PLEKHA7: variants seen among roughly 807,000 people sequenced by gnomAD.
PLEKHA7 encodes the protein pleckstrin homology domain-containing family A member 7.
Under a neutral mutation model 170.0 loss-of-function variants are expected in PLEKHA7, and 104 were observed. The observed-to-expected ratio is 0.61, with a 90% CI of 0.52 to 0.72. PLEKHA7 has a LOEUF of 0.72. Among genes scored for constraint, PLEKHA7 ranks in the 30% least tolerant of loss-of-function variants. PLEKHA7 has a pLI of 0.00. For missense variants in PLEKHA7, 1,615 were observed against 1,671.7 expected, an observed-to-expected ratio of 0.97 and a Z score of 0.59; for synonymous variants, 648 against 660.8, an observed-to-expected ratio of 0.98 and a Z score of 0.30.
intron 3 of PLEKHA7, among the ~76,000 whole-genome samples, chr11:16,928,094 GCATGT>G (rs983694684): frequency 7.9e-5 from 12 of 152,114 alleles, no homozygotes; most frequent in African/African-American, 2.9e-4. Context: ...TGCCACTATG[GCATGT>G]CATCCTCACA....
At chr11:16,983,474 G>A (rs866794445) in intron 3 of PLEKHA7, among the ~76,000 whole-genome samples, 1 of 152,156 alleles carries the variant, frequency 6.6e-6, no homozygotes, top group Middle Eastern at 3.2e-3. Flanking sequence ...CTGGGAGGAG[G>A]AGGGCAGCTC....
At chr11:16,863,562 C>T (rs1380116840) in intron 4 of PLEKHA7, among the ~76,000 whole-genome samples, 1 of 152,186 alleles carries the variant, frequency 6.6e-6, no homozygotes, top group African/African-American at 2.4e-5. Flanking sequence ...ACATCAAATG[C>T]TTGGCAGAGC....
chr11:16,820,268 G>A (rs555457619), intron 10 of PLEKHA7, among the ~76,000 whole-genome samples: 2 of 152,202 alleles, frequency 1.3e-5, no homozygotes, highest in South Asian at 4.2e-4. Context: ...TATGACCTCA[G>A]GCAAGTATCA....
intron 9 of PLEKHA7, among the ~76,000 whole-genome samples, chr11:16,840,109 A>C (rs1417993301): frequency 6.6e-6 from 1 of 152,196 alleles, no homozygotes; most frequent in African/African-American, 2.4e-5. Context: ...GCCAAAATTG[A>C]CGTAGTTACT....
Position 16,778,663 on chromosome 11 carries a change from C to G in PLEKHA7, c.*335G>C, listed in dbSNP as rs1025118807. ...TCACCCAGAAGTACCTGAATCTGTA[C>G]GTGCAGCTGCAAAGTCCTGCATCCT... On this transcript the variant is annotated 3_prime_UTR_variant, in exon 27 of 27. Coordinates refer to ENST00000531066, the MANE Select transcript of PLEKHA7 (RefSeq NM_001329630.2). 8.1e-6 allele frequency: 3 copies of G among 368,912 alleles called. No homozygotes were observed. The highest frequency in any genetic ancestry group is 5.4e-5 in the East Asian group (1 of 18,664). The allele number at this position is 368,912 out of a possible 1,614,324, so 22.9% of individuals were successfully genotyped here. A position where few individuals can be genotyped will look rare whatever the true frequency, so the allele number is the denominator to read the frequency against.
At chr11:16,795,607 T>C (rs1259166167) in intron 17 of PLEKHA7, among the ~76,000 whole-genome samples, 5 of 151,804 alleles carry the variant, frequency 3.3e-5, no homozygotes, top group Non-Finnish European at 7.4e-5. Flanking sequence ...CTGGCCAACA[T>C]GTGAAACCCC....
rs58540437 is a variant in PLEKHA7, at chr11:16,962,283, G to A, written c.221+51706C>T. ...CTCACTCTGAATGGGCATTATCACA[G>A]TGTCCACCTGATGGGGTGGTTGTGA... On this transcript the variant is annotated intron_variant, in intron 3 of 26. Transcript: ENST00000531066. Among the ~76,000 whole-genome samples the A allele has an allele frequency of 5.3e-5, 8 of 152,276 alleles. No homozygotes were observed. In the South Asian group the frequency reaches 1.0e-3, roughly 20 times the overall value.
At chr11:16,795,397 T>G in intron 17 of PLEKHA7, 1 of 237,432 alleles carries the variant, frequency 4.2e-6, no homozygotes, top group South Asian at 6.7e-5. Flanking sequence ...GCAGAACTAT[T>G]TAATGTGTAT....
chr11:16,810,678 A>G (rs1849310135), intron 13 of PLEKHA7, among the ~76,000 whole-genome samples: 1 of 152,238 alleles, frequency 6.6e-6, no homozygotes, highest in South Asian at 2.1e-4. Flanking sequence ...TTAGGTAGTA[A>G]AACACACCAA....
chr11:16,855,058 T>G, intron 5 of PLEKHA7, 65 bp from the exon 6 acceptor site: 1 of 1,384,612 alleles, frequency 7.2e-7, no homozygotes, highest in Admixed American at 1.7e-5. Context: ...AGCACTTGTA[T>G]GTTAGGAGGA....
chr11:16,976,252 T>C (rs867315478), intron 3 of PLEKHA7, among the ~76,000 whole-genome samples: 8 of 152,196 alleles, frequency 5.3e-5, no homozygotes, highest in African/African-American at 1.7e-4. Flanking sequence ...CTTTGGGAAA[T>C]TGGCAAAGAT....
At chr11:16,893,062 T>C (rs867109695) in intron 3 of PLEKHA7, among the ~76,000 whole-genome samples, 10 of 152,206 alleles carry the variant, frequency 6.6e-5, no homozygotes, top group African/African-American at 9.7e-5. Flanking sequence ...TATCGTCCAA[T>C]ATGGCCAGTA....
At chr11:16,967,241 T>TA (rs761172247) in intron 3 of PLEKHA7, among the ~76,000 whole-genome samples, 2 of 152,218 alleles carry the variant, frequency 1.3e-5, no homozygotes, top group Non-Finnish European at 1.5e-5. Flanking sequence ...CTTTGCTAGT[T>TA]AAAGTTTAGA....
In PLEKHA7 at chr11:16,801,661, T is replaced by A; in HGVS notation, c.2307+7A>T. 6.2e-7 allele frequency: 1 copy of A among 1,614,028 alleles called. No homozygotes were observed. The highest frequency in any genetic ancestry group is 8.5e-7 in the Non-Finnish European group (1 of 1,179,972). On this transcript the variant is annotated splice_region_variant and intron_variant, in intron 16 of 26. Transcript: ENST00000531066. ...TGAGGGAGACAGGTCTGCCACCCTC[T>A]ACGCACAGTGGACTCTCTGGAGAGC...
intron 3 of PLEKHA7, among the ~76,000 whole-genome samples, chr11:16,892,965 T>G (rs186126179): frequency 4.2e-4 from 64 of 152,308 alleles, no homozygotes; most frequent in African/African-American, 1.4e-3. Flanking sequence ...TAGTGGAAGG[T>G]GTAAACAAGT....
intron 4 of PLEKHA7, among the ~76,000 whole-genome samples, chr11:16,859,227 ACACAGCTACC>A (rs1853732568): frequency 6.6e-6 from 1 of 152,244 alleles, no homozygotes. Context: ...GACAAGGCAC[ACACAGCTACC>A]CACTTGTCCA....
chr11:16,949,507 ACT>A (rs933894411), intron 3 of PLEKHA7, among the ~76,000 whole-genome samples: 7 of 152,116 alleles, frequency 4.6e-5, no homozygotes, highest in Non-Finnish European at 8.8e-5. Flanking sequence ...GTAACAAAAC[ACT>A]CTATTATACA....
intron 3 of PLEKHA7, among the ~76,000 whole-genome samples, chr11:17,004,397 CTTT>C (rs11420002): frequency 6.9e-6 from 1 of 144,550 alleles, no homozygotes; most frequent in Non-Finnish European, 1.5e-5. Context: ...TTTTCTTTTT[CTTT>C]TTTTTTTTTA....
chr11:16,896,720 T>C (rs759213082), intron 3 of PLEKHA7, among the ~76,000 whole-genome samples: 9 of 152,186 alleles, frequency 5.9e-5, no homozygotes, highest in Non-Finnish European at 8.8e-5. Context: ...GTAGTTCCCA[T>C]TACCTTCTGG....
Sources: allele counts gnomAD v4.1 joint callset (sites outside exome capture counted in the v4.1 genomes callset), GRCh38; gene constraint gnomAD v4.1.1; transcripts MANE v1.5; gene names NCBI Gene and HGNC (gene_info 2026-07-23, HGNC 2026-07-21).